The following PCDH15 variants were observed in gnomAD, a reference collection of about 807,000 sequenced individuals.
PCDH15 encodes protocadherin related 15.
In PCDH15, 129 loss-of-function variants were observed where a neutral mutation model predicts 178.5. The ratio of observed to expected loss-of-function variants is 0.72; its 90% CI spans 0.63 to 0.84. PCDH15 has a LOEUF of 0.84. Ranked by LOEUF, PCDH15 falls within the 40% of genes least tolerant of loss-of-function variation. The probability of loss-of-function intolerance (pLI) is 0.00; values close to 1 mark genes in which losing one functional copy is unlikely to be tolerated. For missense variants in PCDH15, 2,230 were observed against 2,099.9 expected, an observed-to-expected ratio of 1.06 and a Z score of -1.21; for synonymous variants, 800 against 732.0, an observed-to-expected ratio of 1.09 and a Z score of -1.50.
intron 2 of PCDH15, among the ~76,000 whole-genome samples, chr10:55,537,055 A>T (rs1841593877): frequency 6.6e-6 from 1 of 152,092 alleles, no homozygotes; most frequent in Admixed American, 6.6e-5. Flanking sequence ...TCTTTTTGAT[A>T]GCACAGAATT....
chr10:55,240,400 T>TA (rs1419257646), intron 1 of PCDH15, among the ~76,000 whole-genome samples: 1 of 152,168 alleles, frequency 6.6e-6, no homozygotes, highest in Non-Finnish European at 1.5e-5. Flanking sequence ...ATTGTCCATT[T>TA]AAAAAACCAA....
chr10:53,895,396 ATAT>A (rs1326103857), intron 26 of PCDH15, among the ~76,000 whole-genome samples: 35 of 152,286 alleles, frequency 2.3e-4, no homozygotes, highest in Non-Finnish European at 3.8e-4. Context: ...CTTTTTCACA[ATAT>A]TATTTTCTTT....
intron 2 of PCDH15, among the ~76,000 whole-genome samples, chr10:55,348,277 T>TATATGAATAC (rs1282650485): frequency 6.6e-6 from 1 of 152,208 alleles, no homozygotes; most frequent in African/African-American, 2.4e-5. Context: ...TAGTGGCTAC[T>TATATGAATAC]ATATGAATAC....
rs559258918 is a variant in PCDH15 at position 53,876,310 on chromosome 10, C to G, written c.3502-9453G>C. Among the ~76,000 whole-genome samples, 3 of 152,050 alleles carry G rather than the reference C, an allele frequency of 2.0e-5. No individual in the cohort carries two copies. The South Asian group carries it at 6.2e-4, about 32-fold the overall frequency. ...TCAAGCGATTCCCCTGCCTCAGCCA[C>G]CTGAGTAGCTGGGACTACGGGCACC... On this transcript the variant is annotated intron_variant, in intron 26 of 37. Transcript: ENST00000644397.
chr10:53,870,271 T>G (rs191559138), intron 26 of PCDH15, among the ~76,000 whole-genome samples: 240 of 152,298 alleles, frequency 1.6e-3, no homozygotes, highest in African/African-American at 5.1e-3. Context: ...AAAGTTTGGG[T>G]GTGGAACTAG....
At chr10:54,480,139 T>C (rs1418535113) in intron 3 of PCDH15, among the ~76,000 whole-genome samples, 2 of 152,148 alleles carry the variant, frequency 1.3e-5, no homozygotes, top group African/African-American at 4.8e-5. Flanking sequence ...TGATGCCATC[T>C]TGGCCAGCCA....
chr10:53,864,033 A>AT (rs2079281289), intron 27 of PCDH15, among the ~76,000 whole-genome samples: 1 of 152,150 alleles, frequency 6.6e-6, no homozygotes, highest in Non-Finnish European at 1.5e-5. Context: ...AGCAGAGAAG[A>AT]TTTTCTAGGA....
chr10:54,872,001 A>G (rs1036531958), intron 3 of PCDH15, among the ~76,000 whole-genome samples: 8 of 152,098 alleles, frequency 5.3e-5, no homozygotes, highest in African/African-American at 1.9e-4. Flanking sequence ...GTCAGGCATA[A>G]CTATTAAAAA....
intron 1 of PCDH15, among the ~76,000 whole-genome samples, chr10:54,786,628 A>G (rs1950899945): frequency 6.6e-6 from 1 of 151,976 alleles, no homozygotes; most frequent in Non-Finnish European, 1.5e-5. Flanking sequence ...GTCATAAGAA[A>G]GATACGTTTT....
intron 3 of PCDH15, among the ~76,000 whole-genome samples, chr10:54,503,518 T>TAA (rs61695959): frequency 2.5e-4 from 37 of 147,462 alleles, no homozygotes; most frequent in East Asian, 7.9e-4. Flanking sequence ...ATAGAATATT[T>TAA]AAAAAAAAAA....
chr10:55,402,611 A>AT (rs1165209096), intron 2 of PCDH15, among the ~76,000 whole-genome samples: 6 of 152,006 alleles, frequency 3.9e-5, no homozygotes, highest in African/African-American at 1.4e-4. Context: ...ACTAAATATA[A>AT]TTATCTCCAC....
chr10:55,525,906 G>A (rs1019214875), intron 2 of PCDH15, among the ~76,000 whole-genome samples: 2 of 151,878 alleles, frequency 1.3e-5, no homozygotes, highest in Admixed American at 1.3e-4. Flanking sequence ...GACACCTTTA[G>A]CATTTGTGTG....
intron 2 of PCDH15, among the ~76,000 whole-genome samples, chr10:55,091,377 C>T (rs1842312874): frequency 1.3e-5 from 2 of 151,898 alleles, no homozygotes; most frequent in African/African-American, 4.8e-5. Context: ...TTGCTAATAA[C>T]ATTTTACACC....
intron 2 of PCDH15, among the ~76,000 whole-genome samples, chr10:55,023,546 T>G (rs1840391492): frequency 6.6e-6 from 1 of 151,960 alleles, no homozygotes; most frequent in Non-Finnish European, 1.5e-5. Context: ...CTAGATCGAC[T>G]ATTAATCTTC....
At chr10:55,558,168 G>A (rs1178907024) in intron 2 of PCDH15, among the ~76,000 whole-genome samples, 1 of 152,004 alleles carries the variant, frequency 6.6e-6, no homozygotes, top group African/African-American at 2.4e-5. Flanking sequence ...ATGGGCTTCT[G>A]TTCACCAGGG....
Position 55,428,287 on chromosome 10 carries a change from GTATT to G in PCDH15, c.-156+199334_-156+199337del, listed in dbSNP as rs539809723. On this transcript the variant is annotated intron_variant, in intron 2 of 5. Transcript: ENST00000613346. ...CATTGAAATTTAAGAATATAATTGTGTATTTATCTATTTCTTCTGTAATATCTAT... is the reference window on the plus strand; with the variant it reads ...CATTGAAATTTAAGAATATAATTGTGTATCTATTTCTTCTGTAATATCTAT... 2.3e-3 allele frequency among the ~76,000 whole-genome samples: 352 copies of G among 151,922 alleles called. 1 individual carries two copies. The highest frequency in any genetic ancestry group is 7.9e-3 in the African/African-American group (327 of 41,504).
At chr10:55,017,399 A>C (rs940564732) in intron 2 of PCDH15, among the ~76,000 whole-genome samples, 1 of 152,128 alleles carries the variant, frequency 6.6e-6, no homozygotes, top group Non-Finnish European at 1.5e-5. Flanking sequence ...AAAATAACAC[A>C]ATATCTTCCC....
intron 3 of PCDH15, among the ~76,000 whole-genome samples, chr10:54,881,440 T>C (rs1954260197): frequency 6.6e-6 from 1 of 152,132 alleles, no homozygotes; most frequent in Non-Finnish European, 1.5e-5. Context: ...AGTCTGTGCT[T>C]TTCTTTTTTT....
intron 1 of PCDH15, among the ~76,000 whole-genome samples, chr10:55,199,778 A>G (rs1840192660): frequency 6.6e-6 from 1 of 152,084 alleles, no homozygotes; most frequent in Non-Finnish European, 1.5e-5. Context: ...CTCTAGCTCC[A>G]GCCGTGGCTG....
Sources: allele counts gnomAD v4.1 joint callset (sites outside exome capture counted in the v4.1 genomes callset), GRCh38; gene constraint gnomAD v4.1.1; transcripts MANE v1.5; gene names NCBI Gene and HGNC (gene_info 2026-07-23, HGNC 2026-07-21).